Variants in PDGFRB observed in about 807,000 individuals in gnomAD.
The protein encoded by PDGFRB is platelet derived growth factor receptor beta.
A neutral mutation model predicts 120.2 loss-of-function variants in PDGFRB; 42 were observed. The ratio of observed to expected loss-of-function variants is 0.35; its 90% confidence interval spans 0.27 to 0.45. The LOEUF is 0.45. Ranked by LOEUF, PDGFRB falls within the 20% of genes least tolerant of loss-of-function variation. PDGFRB has a pLI of 1.00. For missense variants in PDGFRB, 1,149 were observed against 1,476.3 expected, an observed-to-expected ratio of 0.78 and a Z score of 3.63; for synonymous variants, 586 against 606.8, an observed-to-expected ratio of 0.97 and a Z score of 0.50.
chr5:150,122,921 A>C, intron 15 of PDGFRB, 121 bp downstream of exon 15: 1 of 849,734 alleles, frequency 1.2e-6, no homozygotes, highest in East Asian at 2.4e-5. Context: ...CCCTAGCTCC[A>C]GGAGTGATTC....
rs1299853847 is a variant in PDGFRB at position 150,125,455 on chromosome 5, C to A, written c.1797G>T (p.Gln599His). Residue 599 changes from glutamine to histidine, a missense_variant, in exon 12 of 23, where the codon CAG becomes CAT. Gln to His is a conservative substitution (Grantham distance 24, BLOSUM62 0). This residue lies in a region of PDGFRB where 879 missense variants were observed against 1,108.6 expected (regional missense o/e 0.79). Transcript: ENST00000261799. Reference protein sequence around the residue: ...YDSTWELPRDQLVLGRTLGSG... With the variant: ...YDSTWELPRDHLVLGRTLGSG... Reference sequence around the variant, plus strand: ...CCTCTCAGGACTGACCCAGCACAAGCTGGTCCCGCGGCAGCTCCCACGTGG... The same window carrying A: ...CCTCTCAGGACTGACCCAGCACAAGATGGTCCCGCGGCAGCTCCCACGTGG... The A allele has an allele frequency of 6.2e-7, 1 of 1,611,906 alleles. No individual in the cohort carries two copies. The highest frequency in any genetic ancestry group is 1.1e-5 in the South Asian group (1 of 90,800).
chr5:150,116,819 G>A (rs1198357348), intron 22 of PDGFRB, among the ~76,000 whole-genome samples: 1 of 152,104 alleles, frequency 6.6e-6, no homozygotes, highest in East Asian at 1.9e-4. Flanking sequence ...GAGGGCCTTC[G>A]GAGCCTTCTA....
intron 1 of PDGFRB, among the ~76,000 whole-genome samples, chr5:150,149,563 A>G (rs1036263000): frequency 3.9e-5 from 6 of 152,164 alleles, no homozygotes; most frequent in Non-Finnish European, 8.8e-5. Context: ...CTCTACATGC[A>G]TTTATTTATC....
Position 150,155,663 on chromosome 5 carries a change from C to T in PDGFRB, c.-273G>A. On this transcript the variant is annotated 5_prime_UTR_variant, in exon 1 of 23. Transcript: ENST00000261799. The stretch of plus-strand genomic sequence containing the variant: ...CAAGCATCCTTCGGGAGGAGCAGAG[C>T]CGCCAGAGGGGCCGCCCTGGGTCTG... The T allele has an allele frequency of 2.5e-6, 1 of 398,694 alleles. No individual in the cohort carries two copies. The highest frequency in any genetic ancestry group is 4.4e-6 in the Non-Finnish European group (1 of 226,116). 24.7% of individuals were successfully genotyped at this position (398,694 alleles called of 1,614,324 possible).
At chr5:150,117,542 GCGCACACACACACACACA>G (rs1759989367) in intron 22 of PDGFRB, 58 bp downstream of exon 22, 1 of 461,986 alleles carries the variant, frequency 2.2e-6, no homozygotes, top group Non-Finnish European at 3.6e-6. Context: ...GCGCGCGCGC[GCGCACACACACACACACA>G]CACACACACA....
At chr5:150,153,107 C>G (rs1430834687) in intron 1 of PDGFRB, among the ~76,000 whole-genome samples, 1 of 152,324 alleles carries the variant, frequency 6.6e-6, no homozygotes, top group African/African-American at 2.4e-5. Context: ...GTTGGCCACA[C>G]GGTGGATTTA....
intron 2 of PDGFRB, among the ~76,000 whole-genome samples, 165 bp from the exon 3 acceptor site, chr5:150,136,043 C>T (rs1031534187): frequency 1.3e-5 from 2 of 152,208 alleles, no homozygotes; most frequent in South Asian, 2.1e-4. Flanking sequence ...GAGGACCGCT[C>T]GCCCAGCTCC....
chr5:150,138,940 G>A (rs551936848), intron 1 of PDGFRB, among the ~76,000 whole-genome samples: 1 of 152,334 alleles, frequency 6.6e-6, no homozygotes, highest in South Asian at 2.1e-4. Flanking sequence ...GAGGAATTTG[G>A]CCGGCTGGCC....
In PDGFRB at chr5:150,155,572, G is replaced by C; in HGVS notation, c.-182C>G. The C allele has an allele frequency of 2.5e-6, 1 of 398,880 alleles. No homozygotes were observed. The highest frequency in any genetic ancestry group is 3.6e-5 in the East Asian group (1 of 28,072). 24.7% of individuals were successfully genotyped at this position (398,880 alleles called of 1,614,324 possible). Reference sequence around the variant, plus strand: ...GGTGCAGGCTCCTGAAGGCTCAGGAGAACAGAGGGATGGAGGAAGGGGGCT... The same window carrying C: ...GGTGCAGGCTCCTGAAGGCTCAGGACAACAGAGGGATGGAGGAAGGGGGCT... On this transcript the variant is annotated 5_prime_UTR_variant, in exon 1 of 23. Transcript: ENST00000261799.
chr5:150,120,376 C>A lies in PDGFRB; in HGVS notation c.2587-253G>T, dbSNP rs1450670380. On this transcript the variant is annotated intron_variant, in intron 18 of 22. Coordinates refer to ENST00000261799, the MANE Select transcript of PDGFRB (RefSeq NM_002609.4). This position sits in a 1 kb window ranked among gnomAD's most constrained non-coding sequence, Gnocchi z 4.3. Reference sequence around the variant, plus strand: ...TGTCCCTGGGGAAAAGCCCCAGGGTCTGAGTAGTGAAGTGTGGGAGCCAGG... The same window carrying A: ...TGTCCCTGGGGAAAAGCCCCAGGGTATGAGTAGTGAAGTGTGGGAGCCAGG... Among the ~76,000 whole-genome samples, 2 of 152,172 alleles carry A rather than the reference C, an allele frequency of 1.3e-5. No individual in the cohort carries two copies. Among genetic ancestry groups the A allele is most frequent in the African/African-American group, 4.8e-5 (2 of 41,444 alleles).
At position 150,130,559 on chromosome 5, in the gene PDGFRB, A is replaced by C; in HGVS notation, c.1347T>G (p.Ser449=). The change falls in exon 9 of 23, where the codon TCT becomes TCG. Residue 449 remains serine (S), a synonymous_variant. Transcript: ENST00000261799. Reference sequence around the variant, plus strand: ...CTCACCTTTTGAGGTCTCTGCAGGCAGACCAGATGATGTTCGGCTGGGGCA... The same window carrying C: ...CTCACCTTTTGAGGTCTCTGCAGGCCGACCAGATGATGTTCGGCTGGGGCA... ...RGMPQPNIIW[S]ACRDLKRCPR... is the part of the protein sequence containing the mutation. The C allele has an allele frequency of 6.2e-7, 1 of 1,613,114 alleles. No individual in the cohort carries two copies. Among genetic ancestry groups the C allele is most frequent in the Non-Finnish European group, 8.5e-7 (1 of 1,179,686 alleles).
In PDGFRB at chr5:150,142,153, C is replaced by T. The variant is rs567039031; in HGVS notation, c.-6-5100G>A. On this transcript the variant is annotated intron_variant, in intron 1 of 22. Coordinates refer to ENST00000261799, the MANE Select transcript of PDGFRB (RefSeq NM_002609.4). ...CTGCCTTCCTGTGCTCCATTGTGCT[C>T]GTGGGGAAACTGAGGCTTAGGGAAG... 3.9e-5 allele frequency among the ~76,000 whole-genome samples: 6 copies of T among 152,156 alleles called. No individual in the cohort carries two copies. In the South Asian group the frequency reaches 6.2e-4, roughly 16 times the overall value.
Position 150,133,737 on chromosome 5 carries a change from C to T in PDGFRB, c.783G>A (p.Val261=), listed in dbSNP as rs142649064. The stretch of plus-strand genomic sequence containing the variant: ...AAGGCATATCCAAGAGGAAGTCAGT[C>T]ACCGGCTCCACCAGCCGCCCACTCT... The part of the protein sequence containing the change: ...RKESGRLVEP[V]TDFLLDMPYH... Residue 261 remains valine (V), a synonymous_variant, in exon 6 of 23, where the codon GTG becomes GTA. Transcript: ENST00000261799. 5 of 1,614,088 alleles carry T rather than the reference C, an allele frequency of 3.1e-6. No individual in the cohort carries two copies. The highest frequency in any genetic ancestry group is 1.7e-5 in the Admixed American group (1 of 60,026).
At chr5:150,140,639 A>G (rs1760758405) in intron 1 of PDGFRB, among the ~76,000 whole-genome samples, 1 of 152,018 alleles carries the variant, frequency 6.6e-6, no homozygotes, top group African/African-American at 2.4e-5. Context: ...TTCAGGGGAG[A>G]GGAGTGGGGG....
In PDGFRB at chr5:150,123,102, C is replaced by T. The variant is rs200519248; in HGVS notation, c.2123G>A (p.Arg708His). The T allele has an allele frequency of 6.6e-5, 107 of 1,613,916 alleles. No individual in the cohort carries two copies. Among genetic ancestry groups the T allele is most frequent in the African/African-American group, 1.1e-4 (8 of 75,054 alleles). Residue 708 changes from arginine (R) to histidine (H), a missense_variant, in exon 15 of 23, where the codon CGC (arginine) becomes CAC (histidine). Arg to His is a conservative substitution (Grantham distance 29). This residue lies in a region of PDGFRB where 879 missense variants were observed against 1,108.6 expected (regional missense o/e 0.79). Transcript: ENST00000261799. ...HTFLQHHSDK[R>H]RPPSAELYSN... ...GTAGAGCTCCGCGCTGGGCGGGCGG[C>T]GCTTGTCGGAGTGGTGCTGCAGGAA... is the stretch of plus-strand genomic sequence containing the variant.
In PDGFRB at chr5:150,134,017, G is replaced by A. The variant is rs1006934371; in HGVS notation, c.632-9C>T. 3 of 1,613,826 alleles carry A rather than the reference G, an allele frequency of 1.9e-6. No homozygotes were observed. The highest frequency in any genetic ancestry group is 2.7e-5 in the African/African-American group (2 of 74,926). Reference sequence around the variant, plus strand: ...GACGTTGATGGATGACACTGGTAGAGAGAGATTGGCTTAGGTCTGGGGAAG... The same window carrying A: ...GACGTTGATGGATGACACTGGTAGAAAGAGATTGGCTTAGGTCTGGGGAAG... On this transcript the variant is annotated splice_polypyrimidine_tract_variant and intron_variant, in intron 4 of 22. Coordinates refer to ENST00000261799, the MANE Select transcript of PDGFRB (RefSeq NM_002609.4).
intron 2 of PDGFRB, among the ~76,000 whole-genome samples, chr5:150,136,634 G>A (rs151252037): frequency 7.3e-4 from 111 of 152,242 alleles, no homozygotes; most frequent in African/African-American, 2.6e-3. Context: ...GGGGTGGGGT[G>A]TGCTGAGAAG....
At chr5:150,116,029 T>C (rs1759920872) in intron 22 of PDGFRB, 83 bp from the exon 23 acceptor site, 4 of 1,236,540 alleles carry the variant, frequency 3.2e-6, no homozygotes, top group Non-Finnish European at 4.5e-6. Context: ...CTTCGGTGTG[T>C]CCACCCCTGC....
At chr5:150,122,646 G>A (rs1377008940) in intron 15 of PDGFRB, among the ~76,000 whole-genome samples, 1 of 152,262 alleles carries the variant, frequency 6.6e-6, no homozygotes, top group Non-Finnish European at 1.5e-5. Flanking sequence ...AAAGACTGGA[G>A]TTGAGCTCCC....
Sources: allele counts gnomAD v4.1 joint callset (sites outside exome capture counted in the v4.1 genomes callset), GRCh38; gene constraint gnomAD v4.1.1; regional missense constraint gnomAD v4.1.1; non-coding constraint Gnocchi (gnomAD v3.1); transcripts MANE v1.5; gene names NCBI Gene and HGNC (gene_info 2026-07-23, HGNC 2026-07-21).